Variants in KIF13B observed in about 807,000 individuals in gnomAD.
KIF13B encodes kinesin family member 13B, also known as kinesin-like protein KIF13B.
Under a neutral mutation model 222.0 loss-of-function variants are expected in KIF13B, and 127 were observed. The observed-to-expected ratio is 0.57, with a 90% CI of 0.50 to 0.66. KIF13B has a LOEUF of 0.66. Among genes scored for constraint, KIF13B ranks in the 30% least tolerant of loss-of-function variants. KIF13B has a pLI of 0.00. For missense variants in KIF13B, 2,173 were observed against 2,379.0 expected (o/e 0.91, Z 1.80); for synonymous variants, 976 against 919.0 (o/e 1.06, Z -1.12).
chr8:29,209,811 G>C (rs1814127187), intron 2 of KIF13B, among the ~76,000 whole-genome samples: 1 of 151,524 alleles, frequency 6.6e-6, no homozygotes, highest in South Asian at 2.1e-4. Context: ...CAACACTATG[G>C]GAGGCTGAGT....
chr8:29,154,090 C>T (rs1811413419), intron 14 of KIF13B, among the ~76,000 whole-genome samples: 1 of 152,166 alleles, frequency 6.6e-6, no homozygotes, highest in Non-Finnish European at 1.5e-5. Context: ...GAGGGAGGAT[C>T]ATTTGAGCCC....
chr8:29,247,109 G>A (rs1816059716), intron 1 of KIF13B, among the ~76,000 whole-genome samples: 1 of 152,190 alleles, frequency 6.6e-6, no homozygotes, highest in Non-Finnish European at 1.5e-5. Context: ...CTGGGGCTGG[G>A]CATGGTGGCT....
chr8:29,208,352 T>G (rs752168695), intron 2 of KIF13B, among the ~76,000 whole-genome samples: 8 of 152,212 alleles, frequency 5.3e-5, no homozygotes, highest in Non-Finnish European at 1.0e-4. Flanking sequence ...GTCTATATAC[T>G]CCATACGGAT....
chr8:29,152,107 T>A (rs186232746), intron 14 of KIF13B, among the ~76,000 whole-genome samples: 1 of 152,130 alleles, frequency 6.6e-6, no homozygotes, highest in Non-Finnish European at 1.5e-5. Flanking sequence ...GTGGTGGAAA[T>A]AGCAAGAGAC....
At chr8:29,099,271 T>G (rs1475791937) in intron 35 of KIF13B, 30 bp from the exon 36 acceptor site, 1 of 1,482,904 alleles carries the variant, frequency 6.7e-7, no homozygotes, top group Non-Finnish European at 9.2e-7. Context: ...CAATTTTGTT[T>G]CAAGTTATTC....
At chr8:29,098,322 G>A (rs918661890) in intron 36 of KIF13B, among the ~76,000 whole-genome samples, 4 of 151,648 alleles carry the variant, frequency 2.6e-5, no homozygotes, top group Non-Finnish European at 5.9e-5. Flanking sequence ...AAATAAACTT[G>A]CCGGGTGCAG....
Position 29,263,050 on chromosome 8 carries a change from G to T in KIF13B, c.-16C>A, listed in dbSNP as rs756736461. 9 of 1,575,736 alleles carry T rather than the reference G, an allele frequency of 5.7e-6. No homozygotes were observed. Among genetic ancestry groups the T allele is most frequent in the African/African-American group, 1.4e-5 (1 of 72,256 alleles). On this transcript the variant is annotated 5_prime_UTR_variant, in exon 1 of 40. Transcript: ENST00000524189. ...AGTCCCCCATCCTGCAGCCGCCGAG[G>T]AACTCGTTCGGCTTCCGTCTGCCGC... is the stretch of plus-strand genomic sequence containing the variant.
At chr8:29,118,017 G>C (rs1488609303) in intron 30 of KIF13B, among the ~76,000 whole-genome samples, 1 of 151,894 alleles carries the variant, frequency 6.6e-6, no homozygotes, top group African/African-American at 2.4e-5. Context: ...AATTAGCCAG[G>C]TGTGATGGCA....
chr8:29,088,122 G>A (rs11775327), intron 37 of KIF13B, among the ~76,000 whole-genome samples: 15,654 of 151,642 alleles, frequency 0.1, 1,019 homozygotes, highest in Middle Eastern at 0.17. Context: ...AAAAATTTGC[G>A]GGGCATGGTG....
Position 29,245,455 on chromosome 8 carries a change from C to A in KIF13B, c.56-16G>T, listed in dbSNP as rs1466623261. 4 of 1,519,630 alleles carry A rather than the reference C, an allele frequency of 2.6e-6. No homozygotes were observed. The highest frequency in any genetic ancestry group is 3.6e-6 in the Non-Finnish European group (4 of 1,122,784). The allele number at this position is 1,519,630 out of a possible 1,614,324, so 94.1% of individuals were successfully genotyped here. A position where few individuals can be genotyped will look rare whatever the true frequency, so the allele number is the denominator to read the frequency against. ...AAGTCAGTCTCTGTGGATAAAAAAA[C>A]AAGAAAAACAGTCATTTTAAAAAGT... On this transcript the variant is annotated splice_polypyrimidine_tract_variant and intron_variant, in intron 1 of 39. Coordinates refer to ENST00000524189, the MANE Select transcript of KIF13B (RefSeq NM_015254.4).
Position 29,228,472 on chromosome 8 carries a change from A to AAAAAAAAAAAAAAAATAT in KIF13B, c.149+16873_149+16874insATATTTTTTTTTTTTTTT. 1.9e-3 allele frequency among the ~76,000 whole-genome samples: 227 copies of AAAAAAAAAAAAAAAATAT among 117,068 alleles called. 8 individuals are homozygous for AAAAAAAAAAAAAAAATAT. Among genetic ancestry groups the AAAAAAAAAAAAAAAATAT allele is most frequent in the Non-Finnish European group, 2.6e-3 (150 of 56,640 alleles). 76.8% of individuals were successfully genotyped at this position (117,068 alleles called of 152,430 possible). A position where few individuals can be genotyped will look rare whatever the true frequency, so the allele number is the denominator to read the frequency against. On this transcript the variant is annotated intron_variant, in intron 2 of 39. Transcript: ENST00000524189. ...ACAGAGCCAGACTCCATCTTAAAAA[A>AAAAAAAAAAAAAAAATAT]ATATATATATATATATATGAGATAC...
At chr8:29,195,961 T>C (rs184903006) in intron 3 of KIF13B, among the ~76,000 whole-genome samples, 92 of 152,370 alleles carry the variant, frequency 6.0e-4, no homozygotes, top group Middle Eastern at 3.4e-3. Context: ...TTGTAGCTGC[T>C]AGGAGACCAG....
intron 2 of KIF13B, among the ~76,000 whole-genome samples, chr8:29,202,103 T>C (rs182617345): frequency 6.6e-5 from 10 of 152,312 alleles, no homozygotes; most frequent in Admixed American, 3.9e-4. Flanking sequence ...TGGAGAATAA[T>C]AGCATTCAGG....
chr8:29,243,203 T>C lies in KIF13B; in HGVS notation c.149+2143A>G, dbSNP rs534704404. ...CTCTACTAAAAATACAAAAATTAGC[T>C]GGGAGTGATGGTGGATGCCTGCAAT... On this transcript the variant is annotated intron_variant, in intron 2 of 39. Transcript: ENST00000524189. Among the ~76,000 whole-genome samples the C allele has an allele frequency of 7.4e-5, 11 of 148,252 alleles. No homozygotes were observed. The East Asian group carries it at 2.2e-3, about 30-fold the overall frequency.
chr8:29,095,965 GT>G (rs138886953), intron 36 of KIF13B, among the ~76,000 whole-genome samples: 14,827 of 145,114 alleles, frequency 0.1, 970 homozygotes, highest in Middle Eastern at 0.18. Context: ...GACAAGTAGT[GT>G]TTTTTTTTGT....
At chr8:29,187,504 C>A (rs1483216921) in intron 5 of KIF13B, among the ~76,000 whole-genome samples, 1 of 152,184 alleles carries the variant, frequency 6.6e-6, no homozygotes, top group Non-Finnish European at 1.5e-5. Flanking sequence ...GCACTCCAGC[C>A]TGGACAACAG....
chr8:29,120,844 GT>G (rs1809826435), intron 29 of KIF13B, among the ~76,000 whole-genome samples: 1 of 23,506 alleles, frequency 4.3e-5, no homozygotes, highest in Non-Finnish European at 9.0e-5. Context: ...AGCACCTGTT[GT>G]TTCCTGACTT....
At chr8:29,097,903 G>A (rs1586771584) in intron 36 of KIF13B, among the ~76,000 whole-genome samples, 1 of 152,182 alleles carries the variant, frequency 6.6e-6, no homozygotes, top group African/African-American at 2.4e-5. Flanking sequence ...CAGGTGCGAT[G>A]GCTCATGCCT....
chr8:29,071,151 C>G lies in KIF13B; in HGVS notation c.5219-385G>C, dbSNP rs943606596. On this transcript the variant is annotated intron_variant, in intron 39 of 39. Coordinates refer to ENST00000524189, the MANE Select transcript of KIF13B (RefSeq NM_015254.4). This position sits in a 1 kb window ranked among gnomAD's most constrained non-coding sequence, Gnocchi z 4.9. ...TTCTCCATCTGGACCCAGGCCTGGGCTGGGTGGCGGGAGAATGGTTCTTTT... is the reference window on the plus strand; with the variant it reads ...TTCTCCATCTGGACCCAGGCCTGGGGTGGGTGGCGGGAGAATGGTTCTTTT... 6.6e-6 allele frequency among the ~76,000 whole-genome samples: 1 copy of G among 152,202 alleles called. No homozygotes were observed. The highest frequency in any genetic ancestry group is 2.4e-5 in the African/African-American group (1 of 41,460).
Sources: gnomAD v4.1 joint callset for allele counts (sites outside exome capture counted in the v4.1 genomes callset) on GRCh38, gnomAD v4.1.1 for gene constraint, Gnocchi (gnomAD v3.1) non-coding constraint, MANE v1.5 for transcripts, NCBI Gene and HGNC (gene_info 2026-07-23, HGNC 2026-07-21) for gene names.